RBFOX1: variants seen among roughly 807,000 people sequenced by gnomAD.
RBFOX1 encodes RNA binding fox-1 homolog 1.
A neutral mutation model predicts 57.7 loss-of-function variants in RBFOX1; 8 were observed. The ratio of observed to expected loss-of-function variants is 0.14; its 90% CI spans 0.08 to 0.25. The LOEUF (loss-of-function observed/expected upper bound fraction) is 0.25, where lower values mean the gene tolerates loss of function less well. Ranked by LOEUF, RBFOX1 falls within the 10% of genes least tolerant of loss-of-function variation. The pLI is 1.00. For missense variants in RBFOX1, 611 were observed against 548.5 expected (o/e 1.11, Z -1.14); for synonymous variants, 326 against 222.4 (o/e 1.47, Z -4.15).
chr16:5,986,190 G>A (rs1166280693), intron 4 of RBFOX1, among the ~76,000 whole-genome samples: 1 of 151,712 alleles, frequency 6.6e-6, no homozygotes, highest in Non-Finnish European at 1.5e-5. Context: ...CAGCCTCCCA[G>A]GTAGCTGGGT....
intron 4 of RBFOX1, among the ~76,000 whole-genome samples, chr16:7,138,711 A>T (rs2072751861): frequency 6.6e-6 from 1 of 152,176 alleles, no homozygotes; most frequent in African/African-American, 2.4e-5. Flanking sequence ...CCAGATATAT[A>T]GGCTGCATTT....
At chr16:7,166,392 T>A (rs1021312862) in intron 4 of RBFOX1, among the ~76,000 whole-genome samples, 1 of 150,342 alleles carries the variant, frequency 6.7e-6, no homozygotes, top group African/African-American at 2.5e-5. Context: ...TCTGAGGGAG[T>A]GGGTTGTAAG....
chr16:6,833,581 C>T (rs1213291765), intron 3 of RBFOX1, among the ~76,000 whole-genome samples: 1 of 152,172 alleles, frequency 6.6e-6, no homozygotes, highest in Non-Finnish European at 1.5e-5. Flanking sequence ...TCCTCCACTG[C>T]ACTTATACAC....
In RBFOX1 at chr16:7,456,063, C is replaced by T. The variant is rs543342327; in HGVS notation, c.28-62084C>T. ...GGCTTTGAAGAGCCCCGCATGTGGT[C>T]TTATGCTATAGCTGGAATTCTTAAT... On this transcript the variant is annotated intron_variant, in intron 4 of 15. Coordinates refer to ENST00000550418, the MANE Select transcript of RBFOX1 (RefSeq NM_018723.4). Among the ~76,000 whole-genome samples the T allele has an allele frequency of 8.5e-5, 13 of 152,240 alleles. No individual in the cohort carries two copies. In the South Asian group the frequency reaches 2.3e-3, roughly 27 times the overall value.
chr16:5,978,579 C>A (rs1212418891), intron 4 of RBFOX1, among the ~76,000 whole-genome samples: 1 of 152,166 alleles, frequency 6.6e-6, no homozygotes, highest in Non-Finnish European at 1.5e-5. Context: ...AAATCCAAGT[C>A]CAGGTACCAC....
intron 2 of RBFOX1, among the ~76,000 whole-genome samples, chr16:6,544,436 A>T (rs929596298): frequency 2.0e-5 from 3 of 152,212 alleles, no homozygotes; most frequent in African/African-American, 7.2e-5. Context: ...GGTCCAGCTT[A>T]GTTGAACGGA....
At chr16:5,460,325 T>C (rs561345421) in intron 1 of RBFOX1, among the ~76,000 whole-genome samples, 1 of 152,306 alleles carries the variant, frequency 6.6e-6, no homozygotes, top group East Asian at 1.9e-4. Flanking sequence ...TGTGGTCTTA[T>C]CATAAGGACT....
intron 4 of RBFOX1, among the ~76,000 whole-genome samples, chr16:7,512,058 T>C (rs542972076): frequency 2.4e-4 from 37 of 151,662 alleles, no homozygotes; most frequent in African/African-American, 8.2e-4. Flanking sequence ...ACAAGCACCC[T>C]GACTCTGCAG....
At chr16:6,658,545 T>C (rs2098677456) in intron 3 of RBFOX1, among the ~76,000 whole-genome samples, 1 of 152,154 alleles carries the variant, frequency 6.6e-6, no homozygotes, top group South Asian at 2.1e-4. Context: ...AAAATCATTC[T>C]TCTTTATCTG....
intron 3 of RBFOX1, among the ~76,000 whole-genome samples, chr16:6,770,338 A>T (rs779227860): frequency 6.6e-6 from 1 of 152,168 alleles, no homozygotes; most frequent in African/African-American, 2.4e-5. Flanking sequence ...ATTTAATGCA[A>T]CAGGGCAGGG....
chr16:5,386,853 C>A (rs929030401), intron 1 of RBFOX1, among the ~76,000 whole-genome samples: 1 of 152,162 alleles, frequency 6.6e-6, no homozygotes, highest in Non-Finnish European at 1.5e-5. Flanking sequence ...GAGTTGGAGA[C>A]CAGCCTGCCC....
chr16:7,538,400 T>TC (rs2082058873), intron 5 of RBFOX1, among the ~76,000 whole-genome samples: 1 of 152,152 alleles, frequency 6.6e-6, no homozygotes, highest in Non-Finnish European at 1.5e-5. Context: ...TACCTCAACT[T>TC]ACTGTTGAGG....
intron 4 of RBFOX1, among the ~76,000 whole-genome samples, chr16:7,460,752 G>C (rs756103666): frequency 3.3e-5 from 5 of 151,660 alleles, no homozygotes; most frequent in Admixed American, 6.6e-5. Context: ...ATGAATGAAT[G>C]AATAGATAAA....
At chr16:7,021,713 G>A (rs2153673262) in intron 3 of RBFOX1, among the ~76,000 whole-genome samples, 1 of 150,128 alleles carries the variant, frequency 6.7e-6, no homozygotes, top group Non-Finnish European at 1.5e-5. Flanking sequence ...TATTTACCAA[G>A]CTTTTTGCAC....
chr16:5,386,680 C>T (rs1215645456), intron 1 of RBFOX1, among the ~76,000 whole-genome samples: 2 of 152,174 alleles, frequency 1.3e-5, no homozygotes, highest in African/African-American at 4.8e-5. Flanking sequence ...CCCACACATC[C>T]TCACTTCCCC....
intron 2 of RBFOX1, among the ~76,000 whole-genome samples, chr16:6,423,410 G>T (rs552868369): frequency 1.3e-5 from 2 of 152,018 alleles, no homozygotes; most frequent in South Asian, 4.2e-4. Context: ...ACCAGCCTGG[G>T]CAACATGGTG....
intron 3 of RBFOX1, among the ~76,000 whole-genome samples, chr16:6,799,547 G>C (rs2084870487): frequency 6.6e-6 from 1 of 152,110 alleles, no homozygotes; most frequent in South Asian, 2.1e-4. Flanking sequence ...GTATGTGTGT[G>C]AAGGTGTTGT....
chr16:7,672,204 C>T (rs1010083792), intron 13 of RBFOX1, among the ~76,000 whole-genome samples: 2 of 152,102 alleles, frequency 1.3e-5, no homozygotes, highest in African/African-American at 4.8e-5. Flanking sequence ...ACCAACTGAA[C>T]AAATTTGTAG....
chr16:7,041,305 C>G (rs2046106785), intron 3 of RBFOX1, among the ~76,000 whole-genome samples: 1 of 151,982 alleles, frequency 6.6e-6, no homozygotes, highest in Admixed American at 6.6e-5. Context: ...GCTTTTCCAC[C>G]ATAATGGGAG....
Sources: allele counts gnomAD v4.1 joint callset (sites outside exome capture counted in the v4.1 genomes callset), GRCh38; gene constraint gnomAD v4.1.1; transcripts MANE v1.5; gene names NCBI Gene and HGNC (gene_info 2026-07-23, HGNC 2026-07-21).